The following ZNF714 variants were observed in gnomAD, a reference collection of about 807,000 sequenced individuals.
ZNF714 encodes the protein zinc finger protein 714.
A neutral mutation model predicts 46.2 loss-of-function variants in ZNF714; 32 were observed. That is an observed-to-expected ratio of 0.69 (90% CI 0.52 to 0.93). ZNF714 has a LOEUF of 0.93. ZNF714 is among the 40% of genes least tolerant of loss of function. The pLI is 0.00. For missense variants in ZNF714, 635 were observed against 646.3 expected, an observed-to-expected ratio of 0.98 and a Z score of 0.19; for synonymous variants, 199 against 213.1, an observed-to-expected ratio of 0.93 and a Z score of 0.58.
Position 21,118,097 on chromosome 19 carries a change from A to G in ZNF714, c.1433A>G (p.Glu478Gly). 4 of 1,613,952 alleles carry G rather than the reference A, an allele frequency of 2.5e-6. No individual in the cohort carries two copies. The highest frequency in any genetic ancestry group is 1.1e-5 in the South Asian group (1 of 91,070). Residue 478 changes from glutamate (E) to glycine (G), a missense_variant, in exon 5 of 5, where the codon GAG becomes GGG. Transcript: ENST00000456283. ...LTKHNIIHTG[E>G]KSYKCEECGK... is the part of the protein sequence containing the mutation. ...AAACATAACATAATTCATACTGGAG[A>G]GAAATCTTACAAATGTGAAGAATGT...
chr19:21,106,250 G>A (rs1488962888), intron 4 of ZNF714, among the ~76,000 whole-genome samples: 1 of 151,050 alleles, frequency 6.6e-6, no homozygotes, highest in Non-Finnish European at 1.5e-5. Flanking sequence ...GTGAGACTCC[G>A]TCACTCCAAA....
At chr19:21,099,025 A>G in intron 4 of ZNF714, 115 bp downstream of exon 4, 1 of 537,824 alleles carries the variant, frequency 1.9e-6, no homozygotes, top group South Asian at 4.9e-5. Context: ...CAAAGTATAT[A>G]GTTTCTGGGA....
rs768569604 is a variant in ZNF714, at chr19:21,117,234, A to T, written c.570A>T (p.Arg190Ser). The change falls in exon 5 of 5, where the codon AGA (arginine) becomes AGT (serine). Residue 190 changes from arginine to serine, a missense_variant. Transcript: ENST00000456283. ...KVFKRFSTLT[R>S]HKRVHTGEKP... ...TTAAGCGGTTCTCAACCCTTACTAG[A>T]CACAAGAGAGTTCATACTGGAGAGA... The T allele has an allele frequency of 5.0e-6, 8 of 1,613,954 alleles. No homozygotes were observed. In the African/African-American group the frequency reaches 8.0e-5, roughly 16 times the overall value.
intron 4 of ZNF714, 117 bp downstream of exon 4, chr19:21,099,027 T>C: frequency 1.9e-6 from 1 of 531,472 alleles, no homozygotes; most frequent in South Asian, 5.1e-5. Flanking sequence ...AAGTATATAG[T>C]TTCTGGGAAG....
chr19:21,089,572 G>A (rs1182037971), intron 2 of ZNF714, among the ~76,000 whole-genome samples: 1 of 152,182 alleles, frequency 6.6e-6, no homozygotes, highest in African/African-American at 2.4e-5. Context: ...CATTAATGAT[G>A]GTGGAGACAA....
rs529434786 is a variant in ZNF714 at position 21,102,449 on chromosome 19, T to C, written c.142+3539T>C. On this transcript the variant is annotated intron_variant, in intron 4 of 4. Coordinates refer to ENST00000456283, the MANE Select transcript of ZNF714 (RefSeq NM_182515.4). Reference sequence around the variant, plus strand: ...ATAATTTACTTGTAAATATTTGTTTTACATATCAGAGGCTCTAACCCTATT... The same window carrying C: ...ATAATTTACTTGTAAATATTTGTTTCACATATCAGAGGCTCTAACCCTATT... 2.7e-4 allele frequency among the ~76,000 whole-genome samples: 41 copies of C among 152,346 alleles called. 2 individuals carry two copies. The Middle Eastern group carries it at 0.034, about 126-fold the overall frequency.
chr19:21,098,643 G>C (rs1969097872), intron 3 of ZNF714, among the ~76,000 whole-genome samples, 169 bp from the exon 4 acceptor site: 1 of 152,026 alleles, frequency 6.6e-6, no homozygotes, highest in South Asian at 2.1e-4. Flanking sequence ...GTGAAATTAA[G>C]GACCTACAAA....
Position 21,083,964 on chromosome 19 carries a change from AT to A in ZNF714, c.-176-10del. ...CCTAGTGAATATCAGCTTCTGGTTT[AT>A]TTTCTTCCATAGGGCGACCTGAGGT... On this transcript the variant is annotated splice_polypyrimidine_tract_variant and intron_variant, in intron 1 of 4. Coordinates refer to ENST00000456283, the MANE Select transcript of ZNF714 (RefSeq NM_182515.4). The A allele has an allele frequency of 7.9e-7, 1 of 1,271,760 alleles. No individual in the cohort carries two copies. Among genetic ancestry groups the A allele is most frequent in the Non-Finnish European group, 1.0e-6 (1 of 977,954 alleles). 78.8% of individuals were successfully genotyped at this position (1,271,760 alleles called of 1,614,324 possible). A position where few individuals can be genotyped will look rare whatever the true frequency, so the allele number is the denominator to read the frequency against.
intron 2 of ZNF714, among the ~76,000 whole-genome samples, chr19:21,092,637 G>A (rs1038952240): frequency 1.3e-5 from 2 of 151,860 alleles, no homozygotes; most frequent in African/African-American, 4.8e-5. Context: ...TGTTATATAC[G>A]TAAAATTGTG....
intron 2 of ZNF714, among the ~76,000 whole-genome samples, chr19:21,094,054 C>T (rs1359261809): frequency 2.0e-5 from 3 of 152,288 alleles, no homozygotes; most frequent in African/African-American, 7.2e-5. Context: ...GCAGTGGCAC[C>T]ATCTCAGCTC....
In ZNF714 at chr19:21,119,955, C is replaced by T. The variant is rs1043846927; in HGVS notation, c.*1623C>T. 5 of 152,134 alleles carry T rather than the reference C, an allele frequency of 3.3e-5. No individual in the cohort carries two copies. The highest frequency in any genetic ancestry group is 1.2e-4 in the African/African-American group (5 of 41,436). The allele number at this position is 152,134 out of a possible 1,614,324, so 9.4% of individuals were successfully genotyped here. On this transcript the variant is annotated 3_prime_UTR_variant, in exon 5 of 5. Transcript: ENST00000456283. Reference sequence around the variant, plus strand: ...ATGATGTCATTCAACTCTGAAATTCCTGCCGTTTCTTCATTCCTATTGGAT... The same window carrying T: ...ATGATGTCATTCAACTCTGAAATTCTTGCCGTTTCTTCATTCCTATTGGAT...
At chr19:21,111,813 G>A (rs1042782891) in intron 4 of ZNF714, among the ~76,000 whole-genome samples, 1 of 152,086 alleles carries the variant, frequency 6.6e-6, no homozygotes, top group African/African-American at 2.4e-5. Context: ...TTGATCGAAG[G>A]CCTTTTCTGC....
Position 21,106,105 on chromosome 19 carries a change from C to T in ZNF714, c.142+7195C>T, listed in dbSNP as rs191056788. On this transcript the variant is annotated intron_variant, in intron 4 of 4. Transcript: ENST00000456283. ...CCCATCTCTACTAAAAAATACAAAA[C>T]TTAGCTGGACATTGTGGCATGTGCC... 5.9e-4 allele frequency among the ~76,000 whole-genome samples: 89 copies of T among 151,592 alleles called. 1 individual carries two copies. Among genetic ancestry groups the T allele is most frequent in the African/African-American group, 2.1e-3 (85 of 41,298 alleles).
chr19:21,097,756 G>C (rs1289768085), intron 2 of ZNF714, among the ~76,000 whole-genome samples: 3 of 128,194 alleles, frequency 2.3e-5, no homozygotes, highest in Non-Finnish European at 5.3e-5. Flanking sequence ...TAAAAACTCA[G>C]ACTTTATTCC....
chr19:21,090,825 A>G (rs1392093514), intron 2 of ZNF714: 1 of 116,994 alleles, frequency 8.5e-6, no homozygotes, highest in Non-Finnish European at 1.8e-5. Flanking sequence ...TTTTATGGTT[A>G]TTTCTTGATT....
At chr19:21,090,616 A>G (rs1257468760) in intron 2 of ZNF714, among the ~76,000 whole-genome samples, 1 of 152,170 alleles carries the variant, frequency 6.6e-6, no homozygotes, top group Non-Finnish European at 1.5e-5. Context: ...GGGTCAGAGT[A>G]CAGTCCCTTT....
At chr19:21,089,048 A>G (rs994588028) in intron 2 of ZNF714, among the ~76,000 whole-genome samples, 2 of 152,192 alleles carry the variant, frequency 1.3e-5, no homozygotes, top group South Asian at 2.1e-4. Context: ...TTCCAAAAGT[A>G]TATTTCTCAC....
chr19:21,117,503 T>A lies in ZNF714; in HGVS notation c.839T>A (p.Val280Asp), dbSNP rs756449272. ...CTTACTACACATAAGTTCATTCATG[T>A]TAAAGAAAAACCCTACAAATGTGAA... is the stretch of plus-strand genomic sequence containing the variant. ...SALTTHKFIHVKEKPYKCEEC... is the reference protein window; with the variant it reads ...SALTTHKFIHDKEKPYKCEEC... The change falls in exon 5 of 5, where the codon GTT (valine) becomes GAT (aspartate). Residue 280 changes from valine to aspartate, a missense_variant. Coordinates refer to ENST00000456283, the MANE Select transcript of ZNF714 (RefSeq NM_182515.4). 9 of 1,608,174 alleles carry A rather than the reference T, an allele frequency of 5.6e-6. No individual in the cohort carries two copies. The highest frequency in any genetic ancestry group is 7.6e-6 in the Non-Finnish European group (9 of 1,176,840).
chr19:21,095,244 C>T (rs1464936326), intron 2 of ZNF714, among the ~76,000 whole-genome samples: 1 of 152,156 alleles, frequency 6.6e-6, no homozygotes, highest in Non-Finnish European at 1.5e-5. Context: ...CTGCTGGCTC[C>T]TTGCTTCTAG....
Sources: gnomAD v4.1 joint callset for allele counts (sites outside exome capture counted in the v4.1 genomes callset) on GRCh38, gnomAD v4.1.1 for gene constraint, MANE v1.5 for transcripts, NCBI Gene and HGNC (gene_info 2026-07-23, HGNC 2026-07-21) for gene names.